LHFPL3: variants seen among roughly 807,000 people sequenced by gnomAD.
The protein encoded by LHFPL3 is LHFPL tetraspan subfamily member 3 protein.
A neutral mutation model predicts 19.3 loss-of-function variants in LHFPL3; 5 were observed. The observed-to-expected ratio is 0.26, with a 90% CI of 0.14 to 0.54. LHFPL3 has a LOEUF of 0.54. Among genes scored for constraint, LHFPL3 ranks in the 20% least tolerant of loss-of-function variants. The pLI is 0.94. For missense variants in LHFPL3, 249 were observed against 307.4 expected (o/e 0.81, Z 1.42); for synonymous variants, 133 against 126.2 (o/e 1.05, Z -0.36).
chr7:104,905,584 TA>T (rs1792581196), intron 2 of LHFPL3, among the ~76,000 whole-genome samples: 1 of 152,024 alleles, frequency 6.6e-6, no homozygotes, highest in African/African-American at 2.4e-5. Context: ...AATAAATAAA[TA>T]AAAGAAACTT....
At chr7:104,772,095 G>A (rs572073019) in intron 2 of LHFPL3, among the ~76,000 whole-genome samples, 1 of 152,110 alleles carries the variant, frequency 6.6e-6, no homozygotes, top group Non-Finnish European at 1.5e-5. Flanking sequence ...TGGGATTATA[G>A]GAATGAGCCA....
intron 2 of LHFPL3, among the ~76,000 whole-genome samples, chr7:104,889,541 G>T (rs1792208194): frequency 6.6e-6 from 1 of 152,204 alleles, no homozygotes; most frequent in Non-Finnish European, 1.5e-5. Context: ...TCAAGAGGCT[G>T]AAGTGGGAGA....
chr7:104,344,634 T>C (rs1197517365), intron 1 of LHFPL3, among the ~76,000 whole-genome samples: 1 of 152,240 alleles, frequency 6.6e-6, no homozygotes, highest in East Asian at 1.9e-4. Context: ...ATGCTGTATG[T>C]ATATATGCCA....
chr7:104,447,086 A>G (rs10248853), intron 1 of LHFPL3, among the ~76,000 whole-genome samples: 37,376 of 152,068 alleles, frequency 0.25, 5,513 homozygotes, highest in African/African-American at 0.42. Context: ...ATCTGTAGTT[A>G]TTTTGCATTT....
chr7:104,617,386 G>T (rs1194296674), intron 1 of LHFPL3, among the ~76,000 whole-genome samples: 1 of 152,134 alleles, frequency 6.6e-6, no homozygotes, highest in Non-Finnish European at 1.5e-5. Flanking sequence ...GTACCAGCCT[G>T]TGGTTACCCT....
At chr7:104,425,083 G>A (rs967728577) in intron 1 of LHFPL3, among the ~76,000 whole-genome samples, 1 of 151,696 alleles carries the variant, frequency 6.6e-6, no homozygotes, top group Non-Finnish European at 1.5e-5. Flanking sequence ...CTGGGAAAGG[G>A]GACAAAGACA....
chr7:104,519,287 A>C (rs746490521), intron 1 of LHFPL3, among the ~76,000 whole-genome samples: 1 of 152,184 alleles, frequency 6.6e-6, no homozygotes. Flanking sequence ...TGCTGAGTGC[A>C]CTGAGATTTG....
intron 2 of LHFPL3, among the ~76,000 whole-genome samples, chr7:104,856,823 T>C (rs1292127355): frequency 6.6e-6 from 1 of 152,248 alleles, no homozygotes; most frequent in African/African-American, 2.4e-5. Context: ...AGGTGTATTA[T>C]GACCTGGATA....
chr7:104,355,298 C>A (rs1010370558), intron 1 of LHFPL3, among the ~76,000 whole-genome samples: 6 of 152,130 alleles, frequency 3.9e-5, no homozygotes, highest in Non-Finnish European at 5.9e-5. Flanking sequence ...TGACATAATT[C>A]CTTTGCTTTA....
At chr7:104,518,096 T>C (rs1793957536) in intron 1 of LHFPL3, among the ~76,000 whole-genome samples, 2 of 152,278 alleles carry the variant, frequency 1.3e-5, no homozygotes, top group East Asian at 1.9e-4. Flanking sequence ...TAGGCTTACA[T>C]GAATTAGATC....
intron 1 of LHFPL3, among the ~76,000 whole-genome samples, chr7:104,357,784 C>T (rs1790310634): frequency 7.1e-6 from 1 of 140,472 alleles, no homozygotes; most frequent in Non-Finnish European, 1.5e-5. Context: ...CCTTCTCCTG[C>T]TCCTCCTTCT....
chr7:104,730,900 T>G (rs1243485059), intron 1 of LHFPL3, among the ~76,000 whole-genome samples: 1 of 152,230 alleles, frequency 6.6e-6, no homozygotes, highest in African/African-American at 2.4e-5. Context: ...AAGTCTTTAA[T>G]CCATCTTGAA....
chr7:104,770,232 G>A (rs1258055996), intron 2 of LHFPL3, among the ~76,000 whole-genome samples: 6 of 152,024 alleles, frequency 3.9e-5, no homozygotes, highest in African/African-American at 1.4e-4. Context: ...ATGCCATGGA[G>A]GGATGTATTA....
intron 1 of LHFPL3, among the ~76,000 whole-genome samples, chr7:104,608,446 C>A (rs1477120580): frequency 7.5e-6 from 1 of 133,654 alleles, no homozygotes; most frequent in Admixed American, 9.2e-5. Flanking sequence ...AATTGAACAA[C>A]GAGAACACAT....
chr7:104,813,337 C>A (rs144805906), intron 2 of LHFPL3, among the ~76,000 whole-genome samples: 20 of 152,234 alleles, frequency 1.3e-4, no homozygotes, highest in African/African-American at 4.8e-4. Context: ...TTGAACTTAG[C>A]ATATTGTTGG....
At chr7:104,721,264 C>T (rs1793484845) in intron 1 of LHFPL3, among the ~76,000 whole-genome samples, 2 of 152,150 alleles carry the variant, frequency 1.3e-5, no homozygotes, top group African/African-American at 4.8e-5. Context: ...TGAAAACCAT[C>T]ATTCTCAGCA....
At chr7:104,691,412 T>G (rs549724108) in intron 1 of LHFPL3, among the ~76,000 whole-genome samples, 1 of 152,342 alleles carries the variant, frequency 6.6e-6, no homozygotes, top group African/African-American at 2.4e-5. Flanking sequence ...GGTTTGTAGA[T>G]GGCTCTGCAT....
intron 1 of LHFPL3, among the ~76,000 whole-genome samples, chr7:104,709,538 C>T (rs1331922449): frequency 5.3e-5 from 8 of 149,796 alleles, no homozygotes; most frequent in Non-Finnish European, 8.9e-5. Context: ...TCAGAGAGCA[C>T]GGGGTTGGGG....
chr7:104,672,303 C>T (rs1273884671), intron 1 of LHFPL3, among the ~76,000 whole-genome samples: 1 of 152,168 alleles, frequency 6.6e-6, no homozygotes, highest in African/African-American at 2.4e-5. Context: ...CACACACCCC[C>T]TTTCTCCTCA....
Sources: gnomAD v4.1 joint callset for allele counts (sites outside exome capture counted in the v4.1 genomes callset) on GRCh38, gnomAD v4.1.1 for gene constraint, MANE v1.5 for transcripts, NCBI Gene and HGNC (gene_info 2026-07-23, HGNC 2026-07-21) for gene names.